Variants in ZFHX3 observed in about 807,000 individuals in gnomAD.
ZFHX3 encodes zinc finger homeobox protein 3.
ZFHX3 carries 42 observed loss-of-function variants against 279.1 expected under a neutral mutation model. The observed-to-expected ratio is 0.15, with a 90% CI of 0.12 to 0.19. The LOEUF is 0.19. Ranked by LOEUF, ZFHX3 falls within the 10% of genes least tolerant of loss-of-function variation. The probability of loss-of-function intolerance (pLI) is 1.00; values close to 1 mark genes in which losing one functional copy is unlikely to be tolerated. For synonymous variants in ZFHX3, 2,293 were observed against 1,957.8 expected (o/e 1.17, Z -4.52); for missense variants, 4,981 against 4,754.0 (o/e 1.05, Z -1.40).
intron 2 of ZFHX3, among the ~76,000 whole-genome samples, chr16:73,478,099 C>G (rs796875086): frequency 6.6e-6 from 1 of 151,752 alleles, no homozygotes; most frequent in Non-Finnish European, 1.5e-5. Context: ...GGTGAAACCC[C>G]GTCTCTACTA....
intron 2 of ZFHX3, among the ~76,000 whole-genome samples, chr16:73,585,126 A>G (rs2143830496): frequency 6.6e-6 from 1 of 152,324 alleles, no homozygotes; most frequent in South Asian, 2.1e-4. Flanking sequence ...CACTCTTGGT[A>G]AAACAAACAG....
At chr16:73,702,565 A>G (rs1293820210) in intron 1 of ZFHX3, among the ~76,000 whole-genome samples, 1 of 152,208 alleles carries the variant, frequency 6.6e-6, no homozygotes, top group African/African-American at 2.4e-5. Flanking sequence ...GCCCCGAAAT[A>G]TCACCTGTGC....
At chr16:73,056,446 C>G (rs564569553) in intron 1 of ZFHX3, among the ~76,000 whole-genome samples, 1 of 152,164 alleles carries the variant, frequency 6.6e-6, no homozygotes, top group Admixed American at 6.5e-5. Context: ...ATTCAAGAAG[C>G]AAACTCCCAA....
chr16:72,983,340 T>C (rs1962693391), intron 1 of ZFHX3, among the ~76,000 whole-genome samples: 1 of 152,046 alleles, frequency 6.6e-6, no homozygotes, highest in Non-Finnish European at 1.5e-5. Context: ...AGTGAGTAGA[T>C]CCAGAACACA....
intron 3 of ZFHX3, among the ~76,000 whole-genome samples, chr16:72,940,721 T>G (rs1450862174): frequency 6.6e-6 from 1 of 152,252 alleles, no homozygotes; most frequent in African/African-American, 2.4e-5. Context: ...GTATCACTGT[T>G]GACCTAAGAG....
chr16:73,143,039 T>G (rs1041671777), intron 6 of ZFHX3, among the ~76,000 whole-genome samples: 1 of 152,120 alleles, frequency 6.6e-6, no homozygotes, highest in Non-Finnish European at 1.5e-5. Flanking sequence ...GCCATTTCCC[T>G]TCTAGGGAGG....
At chr16:73,725,843 C>T (rs1013082565) in intron 1 of ZFHX3, among the ~76,000 whole-genome samples, 5 of 152,176 alleles carry the variant, frequency 3.3e-5, no homozygotes, top group African/African-American at 9.7e-5. Context: ...GCCAGCCTGA[C>T]ATGCCTGGCC....
At chr16:73,085,985 CAAA>C (rs57128744) in intron 8 of ZFHX3, among the ~76,000 whole-genome samples, 2,474 of 54,160 alleles carry the variant, frequency 0.046, 13 homozygotes, top group Middle Eastern at 0.089. Context: ...AACTCAATTG[CAAA>C]AAAAAAAAAA....
chr16:73,305,185 G>A (rs895154775), intron 4 of ZFHX3, among the ~76,000 whole-genome samples: 2 of 152,118 alleles, frequency 1.3e-5, no homozygotes, highest in African/African-American at 2.4e-5. Flanking sequence ...GTGGCCAGGT[G>A]GGAGGAAGGT....
chr16:73,369,916 C>T (rs2016595113), intron 3 of ZFHX3, among the ~76,000 whole-genome samples: 2 of 152,076 alleles, frequency 1.3e-5, no homozygotes, highest in Admixed American at 1.3e-4. Flanking sequence ...TGAAACTCAC[C>T]CTATGAAATT....
chr16:73,334,817 T>C (rs1437585529), intron 3 of ZFHX3, among the ~76,000 whole-genome samples: 6 of 134,816 alleles, frequency 4.5e-5, no homozygotes, highest in African/African-American at 8.4e-5. Context: ...ATTCTTTTTT[T>C]TTTTTTTTTT....
rs527797392 is a variant in ZFHX3, at chr16:73,706,824, A to G, written c.-1607-26584T>C. Among the ~76,000 whole-genome samples, 110 of 152,292 alleles carry G rather than the reference A, an allele frequency of 7.2e-4. 1 individual carries two copies. The South Asian group carries it at 0.022, about 31-fold the overall frequency. ...CACCCTCCACCCAGAACCCTGCTTC[A>G]ATGAGCAAACTGCTTTGTCACACAG... On this transcript the variant is annotated intron_variant, in intron 1 of 17. Coordinates refer to the ZFHX3 transcript ENST00000641206.
intron 1 of ZFHX3, among the ~76,000 whole-genome samples, chr16:72,977,109 C>A (rs547698357): frequency 1.4e-4 from 21 of 152,316 alleles, no homozygotes; most frequent in Admixed American, 5.9e-4. Context: ...GTCGAGTTGA[C>A]AAGAAAGGAT....
intron 3 of ZFHX3, among the ~76,000 whole-genome samples, chr16:73,399,860 G>GTGTGTC (rs1244320909): frequency 4.1e-5 from 6 of 147,362 alleles, no homozygotes; most frequent in African/African-American, 1.5e-4. Context: ...GTGTGTGTGT[G>GTGTGTC]TGTGTCTAGA....
intron 1 of ZFHX3, among the ~76,000 whole-genome samples, chr16:73,820,289 A>T (rs1382590624): frequency 6.6e-6 from 1 of 151,894 alleles, no homozygotes. Context: ...ACAGGGTTTC[A>T]CCGTGTTAGC....
At chr16:73,435,306 T>G (rs1329849838) in intron 3 of ZFHX3, among the ~76,000 whole-genome samples, 1 of 152,136 alleles carries the variant, frequency 6.6e-6, no homozygotes, top group Non-Finnish European at 1.5e-5. Context: ...CCTCCCGGGT[T>G]CAAGTGATTC....
intron 1 of ZFHX3, among the ~76,000 whole-genome samples, chr16:73,880,416 A>G (rs2030106140): frequency 6.6e-6 from 1 of 152,208 alleles, no homozygotes; most frequent in Non-Finnish European, 1.5e-5. Flanking sequence ...TGAACAGGAA[A>G]GTACAACATT....
At chr16:72,833,685 C>T (rs2037119029) in intron 4 of ZFHX3, among the ~76,000 whole-genome samples, 1 of 152,140 alleles carries the variant, frequency 6.6e-6, no homozygotes, top group Non-Finnish European at 1.5e-5. Context: ...AGGTCATCCC[C>T]ACTCCCCTAG....
chr16:73,586,380 CTCTA>C (rs2051926009), intron 2 of ZFHX3, among the ~76,000 whole-genome samples: 1 of 144,038 alleles, frequency 6.9e-6, no homozygotes, highest in African/African-American at 2.5e-5. Context: ...CACAGCAAGA[CTCTA>C]TCTCAAAACA....
Sources: allele counts gnomAD v4.1 joint callset (sites outside exome capture counted in the v4.1 genomes callset), GRCh38; gene constraint gnomAD v4.1.1; transcripts MANE v1.5; gene names NCBI Gene and HGNC (gene_info 2026-07-23, HGNC 2026-07-21).